The following AMZ2 variants were observed in gnomAD, a reference collection of about 807,000 sequenced individuals.
The protein encoded by AMZ2 is archaelysin family metallopeptidase 2, also known as archaemetzincin-2.
A neutral mutation model predicts 36.7 loss-of-function variants in AMZ2; 26 were observed. The ratio of observed to expected loss-of-function variants is 0.71; its 90% CI spans 0.52 to 0.98. The LOEUF (loss-of-function observed/expected upper bound fraction) is 0.98, where lower values mean the gene tolerates loss of function less well. Among genes scored for constraint, AMZ2 ranks in the 50% least tolerant of loss-of-function variants. AMZ2 has a pLI of 0.00. For missense variants in AMZ2, 394 were observed against 430.5 expected (o/e 0.92, Z 0.75); for synonymous variants, 144 against 149.1 (o/e 0.97, Z 0.25).
At chr17:68,249,334 G>C (rs1376659865) in intron 1 of AMZ2, 1 of 183,746 alleles carries the variant, frequency 5.4e-6, no homozygotes, top group African/African-American at 2.3e-5. Context: ...TTTTGAGACA[G>C]AGTCTCTATT....
At chr17:68,228,759 G>A (rs2073580179) in intron 1 of AMZ2, among the ~76,000 whole-genome samples, 1 of 152,240 alleles carries the variant, frequency 6.6e-6, no homozygotes, top group Admixed American at 6.5e-5. Context: ...CCTTCAATCA[G>A]CCTGGCCCAT....
At chr17:68,215,049 G>T (rs1314910088) in intron 1 of AMZ2, among the ~76,000 whole-genome samples, 1 of 152,190 alleles carries the variant, frequency 6.6e-6, no homozygotes, top group Non-Finnish European at 1.5e-5. Flanking sequence ...CTCTCAAAGT[G>T]CTGGGATTAT....
At position 68,257,144 on chromosome 17, in the gene AMZ2, C is replaced by T. The variant is rs570114828; in HGVS notation, c.*175C>T. The T allele has an allele frequency of 6.8e-6, 4 of 591,652 alleles. No homozygotes were observed. The South Asian group carries it at 9.8e-5, about 14-fold the overall frequency. The allele number at this position is 591,652 out of a possible 1,614,324, so 36.7% of individuals were successfully genotyped here. ...AAACTCATTTTGAATAATAAAAACTCTAGAAACTCTTTATCTTCTCATCTT... is the reference window on the plus strand; with the variant it reads ...AAACTCATTTTGAATAATAAAAACTTTAGAAACTCTTTATCTTCTCATCTT... On this transcript the variant is annotated 3_prime_UTR_variant, in exon 7 of 7. Coordinates refer to ENST00000359904, the MANE Select transcript of AMZ2 (RefSeq NM_016627.5).
upstream of AMZ2, chr17:68,246,776 TAATGTCCTCTAAGGAGAGCC>T (rs1308792639): frequency 1.3e-5 from 2 of 152,214 alleles, no homozygotes; most frequent in East Asian, 3.9e-4. Context: ...GGTTCAGAGT[TAATGTCCTCTAAGGAGAGCC>T]AACAAGGGGT....
intron 1 of AMZ2, among the ~76,000 whole-genome samples, chr17:68,218,217 T>C (rs1184489342): frequency 1.3e-5 from 2 of 152,230 alleles, no homozygotes; most frequent in African/African-American, 2.4e-5. Flanking sequence ...AGTGGGCCAA[T>C]CTTTGTTAAC....
In AMZ2 at chr17:68,249,983, G is replaced by A. The variant is rs1188148279; in HGVS notation, c.1-205G>A. On this transcript the variant is annotated intron_variant, in intron 1 of 6. Transcript: ENST00000359904. ...GGAGCAGGTTCCATATGAGATGGAGGAATGGATTTCATGATTGTCTTTTTA... is the reference window on the plus strand; with the variant it reads ...GGAGCAGGTTCCATATGAGATGGAGAAATGGATTTCATGATTGTCTTTTTA... The A allele has an allele frequency of 1.2e-5, 7 of 589,018 alleles. No homozygotes were observed. The East Asian group carries it at 2.1e-4, about 18-fold the overall frequency. 36.5% of individuals were successfully genotyped at this position (589,018 alleles called of 1,614,324 possible).
At chr17:68,206,753 G>A (rs1406689594) in intron 1 of AMZ2, 2 of 152,216 alleles carry the variant, frequency 1.3e-5, no homozygotes, top group Non-Finnish European at 2.9e-5. Context: ...ACAAAAACAT[G>A]TCTGTTTTCA....
chr17:68,206,224 A>G (rs2072824392), exon 1 of AMZ2: 7 of 1,302,708 alleles, frequency 5.4e-6, no homozygotes, highest in Non-Finnish European at 5.9e-6. Context: ...CATAGTACCT[A>G]CAGCAGCACT....
chr17:68,252,719 T>G (rs2074576358), intron 4 of AMZ2, among the ~76,000 whole-genome samples: 2 of 152,064 alleles, frequency 1.3e-5, no homozygotes, highest in Non-Finnish European at 2.9e-5. Context: ...AGATGGGATC[T>G]CCCTGTGTTG....
Position 68,217,670 on chromosome 17 carries a change from TCA to T in AMZ2, c.-67+11437_-67+11438del, listed in dbSNP as rs1416187538. 4.6e-5 allele frequency among the ~76,000 whole-genome samples: 7 copies of T among 152,238 alleles called. 1 individual carries two copies. In the South Asian group the frequency reaches 1.2e-3, roughly 27 times the overall value. On this transcript the variant is annotated intron_variant, in intron 1 of 7. Coordinates refer to the AMZ2 transcript ENST00000674770. The stretch of plus-strand genomic sequence containing the variant: ...ATAGTTTTAAAGCCATGTAAAATTT[TCA>T]CACAGTTTATAGTATGCAGAGGTTT...
At chr17:68,254,730 A>G (rs138385208) in intron 5 of AMZ2, among the ~76,000 whole-genome samples, 163 bp downstream of exon 5, 2 of 152,220 alleles carry the variant, frequency 1.3e-5, no homozygotes, top group Admixed American at 6.5e-5. Context: ...AACAATTTAA[A>G]TGGATACCTT....
chr17:68,220,752 A>G (rs1348595715), intron 1 of AMZ2, among the ~76,000 whole-genome samples: 3 of 151,156 alleles, frequency 2.0e-5, no homozygotes, highest in African/African-American at 4.9e-5. Context: ...TCTACGTGCA[A>G]TCAGGGACAC....
chr17:68,250,006 T>G, intron 1 of AMZ2, 182 bp from the exon 2 acceptor site: 1 of 644,878 alleles, frequency 1.6e-6, no homozygotes, highest in Non-Finnish European at 2.6e-6. Flanking sequence ...GATTGTCTTT[T>G]TAATTTCTTA....
At chr17:68,249,007 A>G in intron 1 of AMZ2, 1 of 1,076,484 alleles carries the variant, frequency 9.3e-7, no homozygotes, top group South Asian at 4.6e-5. Flanking sequence ...CTTAATTCAA[A>G]AAGCCTCGTG....
At chr17:68,224,050 C>A (rs1351130324) in intron 1 of AMZ2, among the ~76,000 whole-genome samples, 1 of 133,942 alleles carries the variant, frequency 7.5e-6, no homozygotes, top group Non-Finnish European at 1.6e-5. Flanking sequence ...CCACCACACC[C>A]GGCTAATTTT....
At chr17:68,253,336 A>G (rs2074633357) in intron 4 of AMZ2, among the ~76,000 whole-genome samples, 1 of 152,228 alleles carries the variant, frequency 6.6e-6, no homozygotes, top group Non-Finnish European at 1.5e-5. Flanking sequence ...CTATGGGTTT[A>G]TTACTTTAAA....
intron 1 of AMZ2, among the ~76,000 whole-genome samples, chr17:68,208,347 T>C (rs1555724909): frequency 2.6e-5 from 4 of 152,186 alleles, no homozygotes. Flanking sequence ...ATCGGCACTC[T>C]GTATCTAGCT....
Position 68,235,326 on chromosome 17 carries a change from G to T in AMZ2, c.-66-13314G>T, listed in dbSNP as rs554929348. Among the ~76,000 whole-genome samples, 48 of 152,318 alleles carry T rather than the reference G, an allele frequency of 3.2e-4. No individual in the cohort carries two copies. Among genetic ancestry groups the T allele is most frequent in the African/African-American group, 1.1e-3 (47 of 41,580 alleles). ...TGGTAATAAACAGTTGAAAGGAGCT[G>T]TTCCCATGTCTTATTTAATTCTCTC... On this transcript the variant is annotated intron_variant, in intron 1 of 7. Transcript: ENST00000674770. The surrounding 1 kb of genome is among the most constrained non-coding windows in gnomAD (Gnocchi z 4.2).
exon 7 of AMZ2, chr17:68,257,153 CTT>C (rs2074967476): frequency 7.2e-6 from 4 of 555,494 alleles, no homozygotes; most frequent in Non-Finnish European, 9.0e-6. Context: ...TCTAGAAACT[CTT>C]TATCTTCTCA....
Sources: gnomAD v4.1 joint callset for allele counts (sites outside exome capture counted in the v4.1 genomes callset) on GRCh38, gnomAD v4.1.1 for gene constraint, Gnocchi (gnomAD v3.1) non-coding constraint, MANE v1.5 for transcripts, NCBI Gene and HGNC (gene_info 2026-07-23, HGNC 2026-07-21) for gene names.